CNTNAP5: variants seen among roughly 807,000 people sequenced by gnomAD.
CNTNAP5 encodes contactin-associated protein-like 5.
In CNTNAP5, 72 loss-of-function variants were observed where a neutral mutation model predicts 150.2. That is an observed-to-expected ratio of 0.48 (90% CI 0.40 to 0.58). The LOEUF is 0.58. Ranked by LOEUF, CNTNAP5 falls within the 20% of genes least tolerant of loss-of-function variation. The probability of loss-of-function intolerance (pLI) is 0.00; values close to 1 mark genes in which losing one functional copy is unlikely to be tolerated. For missense variants in CNTNAP5, 1,636 were observed against 1,626.2 expected, an observed-to-expected ratio of 1.01 and a Z score of -0.10; for synonymous variants, 672 against 619.8, an observed-to-expected ratio of 1.08 and a Z score of -1.25.
At chr2:124,135,195 T>TTG (rs1683947385) in intron 1 of CNTNAP5, 1 of 152,222 alleles carries the variant, frequency 6.6e-6, no homozygotes, top group Admixed American at 6.5e-5. Context: ...CGGCCAAGGT[T>TTG]TTCACCTTTT....
chr2:124,605,258 G>T (rs952855613), intron 11 of CNTNAP5, among the ~76,000 whole-genome samples: 52 of 152,142 alleles, frequency 3.4e-4, no homozygotes, highest in African/African-American at 1.0e-3. Flanking sequence ...GCTTAGTCAT[G>T]ACTTAAAGTC....
At chr2:124,656,692 A>T (rs1325585855) in intron 13 of CNTNAP5, among the ~76,000 whole-genome samples, 1 of 152,230 alleles carries the variant, frequency 6.6e-6, no homozygotes, top group African/African-American at 2.4e-5. Flanking sequence ...ACCATGAATT[A>T]TTTAAATAAT....
chr2:124,124,977 C>T (rs199664106), intron 1 of CNTNAP5, among the ~76,000 whole-genome samples: 1 of 152,148 alleles, frequency 6.6e-6, no homozygotes, highest in Non-Finnish European at 1.5e-5. Context: ...TTGTAAAGAC[C>T]ATCAATGCTA....
At chr2:124,031,653 C>T (rs1444643259) in intron 1 of CNTNAP5, among the ~76,000 whole-genome samples, 4 of 152,120 alleles carry the variant, frequency 2.6e-5, no homozygotes, top group Admixed American at 6.6e-5. Flanking sequence ...TCTCCATCCA[C>T]TGACTTCAGT....
intron 1 of CNTNAP5, among the ~76,000 whole-genome samples, chr2:124,187,824 G>T (rs77575818): frequency 6.6e-6 from 1 of 152,050 alleles, no homozygotes; most frequent in Admixed American, 6.6e-5. Flanking sequence ...ATTTTACCAG[G>T]GGATAAGATT....
chr2:124,566,340 A>G (rs1165595370), intron 11 of CNTNAP5, among the ~76,000 whole-genome samples: 2 of 152,200 alleles, frequency 1.3e-5, no homozygotes, highest in East Asian at 1.9e-4. Flanking sequence ...AAGTAATTTA[A>G]CAATTTTTTG....
chr2:124,393,201 C>T (rs966512988), intron 3 of CNTNAP5, among the ~76,000 whole-genome samples: 8 of 152,050 alleles, frequency 5.3e-5, no homozygotes, highest in Non-Finnish European at 7.4e-5. Context: ...ATGTGGCATG[C>T]GGCATCCTCA....
At chr2:124,105,450 C>T (rs76570326) in intron 1 of CNTNAP5, among the ~76,000 whole-genome samples, 7,394 of 152,208 alleles carry the variant, frequency 0.049, 289 homozygotes, top group South Asian at 0.15. Context: ...CACCGATGTA[C>T]ACTCCAATCA....
At chr2:124,382,987 A>C (rs1016667828) in intron 3 of CNTNAP5, among the ~76,000 whole-genome samples, 1 of 152,202 alleles carries the variant, frequency 6.6e-6, no homozygotes, top group South Asian at 2.1e-4. Context: ...TGAAATGTCA[A>C]GTTTTCAAAT....
chr2:124,497,493 T>C (rs1016567238), intron 7 of CNTNAP5, among the ~76,000 whole-genome samples: 5 of 152,186 alleles, frequency 3.3e-5, no homozygotes, highest in African/African-American at 1.2e-4. Context: ...TCAAGCAGAA[T>C]TGTCTTTTCT....
chr2:124,396,973 C>A (rs1691265238), intron 3 of CNTNAP5, among the ~76,000 whole-genome samples: 1 of 152,158 alleles, frequency 6.6e-6, no homozygotes, highest in Admixed American at 6.5e-5. Context: ...GGGCTACTGA[C>A]CAGGAGTTAA....
intron 6 of CNTNAP5, among the ~76,000 whole-genome samples, chr2:124,447,977 A>C (rs1388432509): frequency 6.6e-6 from 1 of 152,136 alleles, no homozygotes; most frequent in Non-Finnish European, 1.5e-5. Flanking sequence ...GCATTATTAA[A>C]AATTAAGTTG....
chr2:124,510,257 C>CTATATATCTATATCTATATA (rs1558933142), intron 8 of CNTNAP5, among the ~76,000 whole-genome samples: 5 of 20,466 alleles, frequency 2.4e-4, no homozygotes, highest in African/African-American at 6.3e-4. Context: ...ATATCTATAT[C>CTATATATCTATATCTATATA]TATATATCTA....
chr2:124,788,316 A>T lies in CNTNAP5; in HGVS notation c.2753-1586A>T, dbSNP rs143277853. 7.4e-3 allele frequency among the ~76,000 whole-genome samples: 1,122 copies of T among 152,306 alleles called. 9 individuals carry two copies. Among genetic ancestry groups the T allele is most frequent in the African/African-American group, 0.025 (1,059 of 41,558 alleles). ...ATTAAATCTGCCTGATTCTTGAATA[A>T]TTTTCAAGAAACATATAAAATCTCT... is the stretch of plus-strand genomic sequence containing the variant. On this transcript the variant is annotated intron_variant, in intron 17 of 23. Coordinates refer to ENST00000682447, the MANE Select transcript of CNTNAP5 (RefSeq NM_001367498.1).
chr2:124,903,192 T>C, intron 22 of CNTNAP5, 92 bp downstream of exon 22: 1 of 756,272 alleles, frequency 1.3e-6, no homozygotes, highest in Non-Finnish European at 2.0e-6. Flanking sequence ...TTGGCTAATG[T>C]GACTCAGTTT....
chr2:124,752,489 GA>G (rs1052235110), intron 14 of CNTNAP5, among the ~76,000 whole-genome samples: 4 of 151,628 alleles, frequency 2.6e-5, no homozygotes, highest in African/African-American at 9.7e-5. Context: ...GGTGGGGAGA[GA>G]AAAAAAAGTC....
chr2:124,046,431 G>GA (rs1158199971), intron 1 of CNTNAP5, among the ~76,000 whole-genome samples: 37 of 16,960 alleles, frequency 2.2e-3, no homozygotes, highest in Admixed American at 5.0e-3. Flanking sequence ...TCACAAAAGA[G>GA]AGAAAAAAAA....
chr2:124,227,494 A>G (rs1482156167), intron 2 of CNTNAP5, among the ~76,000 whole-genome samples: 1 of 152,176 alleles, frequency 6.6e-6, no homozygotes, highest in Non-Finnish European at 1.5e-5. Flanking sequence ...ATACACATGC[A>G]TTATTTTAAT....
intron 1 of CNTNAP5, among the ~76,000 whole-genome samples, chr2:124,164,291 G>A (rs967729044): frequency 6.6e-6 from 1 of 152,110 alleles, no homozygotes; most frequent in Non-Finnish European, 1.5e-5. Context: ...ACATGGAGCG[G>A]TGCAGTGACT....
Sources: gnomAD v4.1 joint callset for allele counts (sites outside exome capture counted in the v4.1 genomes callset) on GRCh38, gnomAD v4.1.1 for gene constraint, MANE v1.5 for transcripts, NCBI Gene and HGNC (gene_info 2026-07-23, HGNC 2026-07-21) for gene names.